DMD: variants seen among roughly 807,000 people sequenced by gnomAD.
DMD encodes the protein dystrophin, also known as mutant dystrophin.
DMD carries 63 observed loss-of-function variants against 330.1 expected under a neutral mutation model. That is an observed-to-expected ratio of 0.19 (90% CI 0.16 to 0.24). The LOEUF is 0.24. Among genes scored for constraint, DMD ranks in the 10% least tolerant of loss-of-function variants. The pLI is 1.00. For synonymous variants in DMD, 1,223 were observed against 959.8 expected (o/e 1.27, Z -5.07); for missense variants, 3,344 against 2,684.1 (o/e 1.25, Z -5.43).
At chrX:32,049,560 C>T (rs369694966) in intron 44 of DMD, among the ~76,000 whole-genome samples, 4 of 111,238 alleles carry the variant, frequency 3.6e-5, no homozygotes, top group African/African-American at 9.8e-5. Flanking sequence ...TTTCTATAAG[C>T]GAGCCCCCTC....
At chrX:32,326,225 C>A (rs895769355) in intron 41 of DMD, among the ~76,000 whole-genome samples, 2 of 111,725 alleles carry the variant, frequency 1.8e-5, no homozygotes, top group Admixed American at 9.5e-5. Flanking sequence ...ACCCTGCATT[C>A]TATTCTTCTT....
intron 44 of DMD, among the ~76,000 whole-genome samples, chrX:32,024,217 G>A (rs1296209122): frequency 8.9e-6 from 1 of 112,097 alleles, no homozygotes; most frequent in Non-Finnish European, 1.9e-5. Flanking sequence ...GGGTGTAGTG[G>A]CTCATGCATG....
intron 52 of DMD, among the ~76,000 whole-genome samples, chrX:31,694,635 T>C (rs1463290666): frequency 1.1e-5 from 1 of 91,061 alleles, no homozygotes; most frequent in Non-Finnish European, 2.1e-5. Context: ...TATATATATA[T>C]ATATATATAT....
chrX:33,302,093 A>T (rs1312430606), intron 1 of DMD, among the ~76,000 whole-genome samples: 1 of 111,753 alleles, frequency 8.9e-6, no homozygotes, highest in Non-Finnish European at 1.9e-5. Context: ...ATTCTTGAAA[A>T]CATAATTTTA....
chrX:31,754,113 T>G (rs1217909194), intron 51 of DMD, among the ~76,000 whole-genome samples: 2 of 111,485 alleles, frequency 1.8e-5, no homozygotes, highest in Admixed American at 1.9e-4. Flanking sequence ...CTGATTTGCT[T>G]GAATTAACAA....
chrX:32,474,931 A>C (rs991636570), intron 21 of DMD, among the ~76,000 whole-genome samples: 2 of 111,511 alleles, frequency 1.8e-5, no homozygotes, highest in African/African-American at 6.5e-5. Context: ...ATCCTTGCCT[A>C]AGCCAATGTC....
At chrX:32,577,630 T>C (rs932276989) in intron 13 of DMD, among the ~76,000 whole-genome samples, 1 of 112,551 alleles carries the variant, frequency 8.9e-6, no homozygotes, top group African/African-American at 3.2e-5. Context: ...GTATTCACTG[T>C]AGAAAGGCAC....
chrX:32,104,700 A>G (rs1176154079), intron 44 of DMD, among the ~76,000 whole-genome samples: 1 of 111,849 alleles, frequency 8.9e-6, no homozygotes, highest in Non-Finnish European at 1.9e-5. Flanking sequence ...TTTCATGGCC[A>G]CACCAGAAGA....
intron 18 of DMD, among the ~76,000 whole-genome samples, chrX:32,508,244 C>T (rs1250056697): frequency 9.0e-6 from 1 of 110,977 alleles, no homozygotes; most frequent in Non-Finnish European, 1.9e-5. Context: ...ATGGTATCTG[C>T]ATATTTGTCA....
chrX:32,943,951 T>A (rs1324997165), intron 2 of DMD, among the ~76,000 whole-genome samples: 1 of 111,441 alleles, frequency 9.0e-6, no homozygotes, highest in Non-Finnish European at 1.9e-5. Context: ...AGTTAGGGCT[T>A]TTAGAGCGTC....
chrX:31,682,991 G>A lies in DMD; in HGVS notation c.7661-3405C>T, dbSNP rs745341437. Among the ~76,000 whole-genome samples the A allele has an allele frequency of 3.6e-5, 4 of 111,918 alleles. No individual in the cohort carries two copies. The South Asian group carries it at 1.5e-3, about 42-fold the overall frequency. On this transcript the variant is annotated intron_variant, in intron 52 of 78. Coordinates refer to ENST00000357033, the MANE Select transcript of DMD (RefSeq NM_004006.3). The stretch of plus-strand genomic sequence containing the variant: ...TTTATAACCTGAACCATTATTTCAG[G>A]CAAACATGGGATTTGAATGCTTGCT...
rs766131083 is a variant in DMD, at chrX:31,625,356, C to G, written c.8217+2317G>C. On this transcript the variant is annotated intron_variant, in intron 55 of 78. Transcript: ENST00000357033. ...GTAGTTTATCACTTTGGGGTTGAGA[C>G]AGTAAAAAGCCCCTGCCTTATTCCC... Among the ~76,000 whole-genome samples the G allele has an allele frequency of 2.8e-4, 31 of 111,580 alleles. 1 individual carries two copies. The South Asian group carries it at 0.011, about 41-fold the overall frequency.
intron 62 of DMD, among the ~76,000 whole-genome samples, chrX:31,286,667 A>T (rs907198204): frequency 8.9e-6 from 1 of 112,904 alleles, no homozygotes; most frequent in Non-Finnish European, 1.9e-5. Flanking sequence ...GATTTTAACA[A>T]GATTCCCAGA....
At position 32,645,128 on chromosome X, in the gene DMD, A is replaced by G. The variant is rs756590471; in HGVS notation, c.985T>C (p.Ser329Pro). The part of the protein sequence containing the change: ...SQHLEAPEDK[S>P]FGSSLMESEV... Reference sequence around the variant, plus strand: ...CTCTCCATCAATGAACTGCCAAATGACTTGTCTTCAGGAGCTTCCAAATGC... The same window carrying G: ...CTCTCCATCAATGAACTGCCAAATGGCTTGTCTTCAGGAGCTTCCAAATGC... The change falls in exon 10 of 79, where the codon TCA (serine) becomes CCA (proline). Residue 329 changes from serine (S) to proline (P), a missense_variant. Physicochemically the swap from Ser to Pro is moderately conservative, Grantham distance 74. Transcript: ENST00000357033. 11 of 1,211,496 alleles carry G rather than the reference A, an allele frequency of 9.1e-6. No individual in the cohort carries two copies. Among genetic ancestry groups the G allele is most frequent in the Non-Finnish European group, 1.2e-5 (11 of 895,391 alleles).
chrX:32,871,689 C>A (rs936440861), intron 2 of DMD, among the ~76,000 whole-genome samples: 2 of 111,305 alleles, frequency 1.8e-5, no homozygotes, highest in Non-Finnish European at 3.8e-5. Context: ...TCCAGCTGTT[C>A]AACTGGAACA....
At chrX:31,405,962 T>C (rs995291727) in intron 60 of DMD, among the ~76,000 whole-genome samples, 3 of 112,032 alleles carry the variant, frequency 2.7e-5, no homozygotes, top group African/African-American at 9.7e-5. Context: ...AAAGACTTAA[T>C]AGCTAGACGT....
chrX:32,179,113 A>G (rs966067076), intron 44 of DMD, among the ~76,000 whole-genome samples: 1 of 110,102 alleles, frequency 9.1e-6, no homozygotes, highest in African/African-American at 3.3e-5. Flanking sequence ...GCCATAAAAT[A>G]TTTTTAGCTG....
chrX:33,135,727 G>A (rs914749022), intron 1 of DMD, among the ~76,000 whole-genome samples: 3 of 111,721 alleles, frequency 2.7e-5, no homozygotes, highest in Admixed American at 1.9e-4. Flanking sequence ...ACAAGTTAAT[G>A]CATCTTGTTA....
intron 1 of DMD, among the ~76,000 whole-genome samples, chrX:33,234,596 T>C (rs947001344): frequency 3.2e-4 from 36 of 111,487 alleles, no homozygotes; most frequent in African/African-American, 1.1e-3. Flanking sequence ...ATTGCAGAAA[T>C]GATAAAATAT....
Sources: gnomAD v4.1 joint callset for allele counts (sites outside exome capture counted in the v4.1 genomes callset) on GRCh38, gnomAD v4.1.1 for gene constraint, MANE v1.5 for transcripts, NCBI Gene and HGNC (gene_info 2026-07-23, HGNC 2026-07-21) for gene names.